Variants in TSPEAR observed in about 807,000 individuals in gnomAD.
The protein encoded by TSPEAR is thrombospondin-type laminin G domain and EAR repeat-containing protein.
A neutral mutation model predicts 71.6 loss-of-function variants in TSPEAR; 69 were observed. The observed-to-expected ratio is 0.96, with a 90% CI of 0.79 to 1.18. The LOEUF (loss-of-function observed/expected upper bound fraction) is 1.18. Ranked by LOEUF, TSPEAR falls within the 50% of genes most tolerant of loss-of-function variation. TSPEAR has a pLI of 0.00. For missense variants in TSPEAR, 971 were observed against 894.9 expected (o/e 1.09, Z -1.09); for synonymous variants, 402 against 387.2 (o/e 1.04, Z -0.45).
intron 1 of TSPEAR, chr21:44,676,615 A>C: frequency 1.3e-6 from 1 of 752,108 alleles, no homozygotes; most frequent in Admixed American, 1.8e-5. Context: ...GTTCTGCTCA[A>C]ATTCATACTT....
At chr21:44,707,910 C>T (rs1332571191) in intron 1 of TSPEAR, among the ~76,000 whole-genome samples, 1 of 152,060 alleles carries the variant, frequency 6.6e-6, no homozygotes, top group Non-Finnish European at 1.5e-5. Flanking sequence ...CCCTCAGCCT[C>T]GGTCCCCCAC....
In TSPEAR at chr21:44,499,227, T is replaced by TG. The variant is rs1376136263; in HGVS notation, c.*555dup. ...GCTGGGAGGGAAGCCTCTCTCTGTA[T>TG]GGGGAGGTGGTCCTCTGTCCGTGTC... is the stretch of plus-strand genomic sequence containing the variant. On this transcript the variant is annotated 3_prime_UTR_variant, in exon 12 of 12. Transcript: ENST00000323084. 2 of 152,342 alleles carry TG rather than the reference T, an allele frequency of 1.3e-5. No homozygotes were observed. The highest frequency in any genetic ancestry group is 2.4e-5 in the African/African-American group (1 of 41,430). The allele number at this position is 152,342 out of a possible 1,614,324, so 9.4% of individuals were successfully genotyped here. A position where few individuals can be genotyped will look rare whatever the true frequency, so the allele number is the denominator to read the frequency against.
rs368324000 is a variant in TSPEAR at position 44,509,193 on chromosome 21, G to T, written c.1754+6C>A. Reference sequence around the variant, plus strand: ...CCACCTCCCACTGGCCTGTGGAGGCGCATACCTGCAGGTGAGAATGTCCTG... The same window carrying T: ...CCACCTCCCACTGGCCTGTGGAGGCTCATACCTGCAGGTGAGAATGTCCTG... On this transcript the variant is annotated splice_donor_region_variant and intron_variant, in intron 10 of 11. Coordinates refer to ENST00000323084, the MANE Select transcript of TSPEAR (RefSeq NM_144991.3). 6.2e-7 allele frequency: 1 copy of T among 1,612,406 alleles called. No homozygotes were observed. Among genetic ancestry groups the T allele is most frequent in the Non-Finnish European group, 8.5e-7 (1 of 1,178,956 alleles).
intron 1 of TSPEAR, among the ~76,000 whole-genome samples, chr21:44,706,466 CACACACCCACGCGT>C (rs60943062): frequency 0.16 from 16,897 of 104,708 alleles, 1,105 homozygotes; most frequent in African/African-American, 0.23. Context: ...CACCCACGTG[CACACACCCACGCGT>C]ACACACCCAC....
chr21:44,587,536 A>T (rs1324866817), intron 1 of TSPEAR, among the ~76,000 whole-genome samples: 1 of 152,126 alleles, frequency 6.6e-6, no homozygotes, highest in African/African-American at 2.4e-5. Flanking sequence ...AAATTCTATA[A>T]TTCATATGGA....
In TSPEAR at chr21:44,539,434, T is replaced by C. The variant is rs113063562; in HGVS notation, c.304-5511A>G. ...CAGGCATACAGCAGGCGGGCCGGCATACAGGGCGGCAGAGGAGGGACACGG... is the reference window on the plus strand; with the variant it reads ...CAGGCATACAGCAGGCGGGCCGGCACACAGGGCGGCAGAGGAGGGACACGG... On this transcript the variant is annotated intron_variant, in intron 2 of 11. Transcript: ENST00000323084. 4,458 of 1,601,942 alleles carry C rather than the reference T, an allele frequency of 2.8e-3. 72 individuals carry two copies. In the African/African-American group the frequency reaches 0.039, roughly 14 times the overall value.
At chr21:44,513,118 G>A (rs1215835016) in intron 9 of TSPEAR, among the ~76,000 whole-genome samples, 1 of 152,230 alleles carries the variant, frequency 6.6e-6, no homozygotes, top group Non-Finnish European at 1.5e-5. Flanking sequence ...CTGGCTGGAG[G>A]CTGGCAGAAC....
intron 1 of TSPEAR, among the ~76,000 whole-genome samples, chr21:44,661,946 G>A (rs1985519658): frequency 6.6e-6 from 1 of 152,046 alleles, no homozygotes; most frequent in African/African-American, 2.4e-5. Flanking sequence ...AATTCAACAT[G>A]AGATTTGGGC....
intron 1 of TSPEAR, among the ~76,000 whole-genome samples, chr21:44,648,355 A>C (rs587754023): frequency 6.6e-6 from 1 of 152,346 alleles, no homozygotes; most frequent in African/African-American, 2.4e-5. Flanking sequence ...CCAGGGAAGA[A>C]GCAACAGAAC....
chr21:44,509,275 C>CA lies in TSPEAR; in HGVS notation c.1677dup (p.Val560CysfsTer134). ...AGCTCGTAGATGACGGAGTTGATGA[C>CA]ATAGGAATCATTCTGGACTTGCATC... On this transcript the variant is annotated frameshift_variant, in exon 10 of 12. Coordinates refer to ENST00000323084, the MANE Select transcript of TSPEAR (RefSeq NM_144991.3). LOFTEE classifies it high-confidence loss of function. The CA allele has an allele frequency of 6.2e-7, 1 of 1,614,084 alleles. No individual in the cohort carries two copies. The highest frequency in any genetic ancestry group is 8.5e-7 in the Non-Finnish European group (1 of 1,180,030).
At position 44,596,727 on chromosome 21, in the gene TSPEAR, ATTTGT is replaced by A. The variant is rs1360342957; in HGVS notation, c.83-28727_83-28723del. Among the ~76,000 whole-genome samples the A allele has an allele frequency of 1.4e-4, 21 of 152,164 alleles. No individual in the cohort carries two copies. The East Asian group carries it at 3.1e-3, about 22-fold the overall frequency. On this transcript the variant is annotated intron_variant, in intron 1 of 11. Transcript: ENST00000323084. ...AAAAATGATATCATATGGCCATTAA[ATTTGT>A]TTTATCTCATTTTAAATGGGGCTGA...
At chr21:44,531,249 C>T (rs1186926337) in intron 3 of TSPEAR, 116 bp from the exon 4 acceptor site, 1 of 773,456 alleles carries the variant, frequency 1.3e-6, no homozygotes, top group South Asian at 1.7e-5. Flanking sequence ...CTGTGGCTGC[C>T]ACACAAAGGA....
intron 6 of TSPEAR, 89 bp from the exon 7 acceptor site, chr21:44,527,607 A>T: frequency 7.6e-7 from 1 of 1,322,552 alleles, no homozygotes; most frequent in African/African-American, 1.5e-5. Flanking sequence ...CCAAGCCCCA[A>T]GTCACAAGCC....
At chr21:44,625,647 G>A (rs587647534) in intron 1 of TSPEAR, among the ~76,000 whole-genome samples, 11 of 152,190 alleles carry the variant, frequency 7.2e-5, no homozygotes, top group South Asian at 2.1e-4. Context: ...CGCGGGGAGC[G>A]GCATGGCCTC....
intron 1 of TSPEAR, chr21:44,697,582 T>C (rs1555950895): frequency 1.2e-6 from 2 of 1,611,216 alleles, no homozygotes; most frequent in African/African-American, 2.7e-5. Flanking sequence ...GCTGTGGGCC[T>C]TCTTCTTCAT....
In TSPEAR at chr21:44,528,561, C is replaced by T. The variant is rs1555915262; in HGVS notation, c.813G>A (p.Leu271=). Residue 271 remains leucine (L), a synonymous_variant, in exon 6 of 12, where the codon CTG becomes CTA. Coordinates refer to ENST00000323084, the MANE Select transcript of TSPEAR (RefSeq NM_144991.3). ...YPYETNIRVT[L]GPQPPCTEVE... ...CCTCGGTACACGGTGGCTGGGGTCC[C>T]AGCGTCACTCGAATGTTGGTTTCTG... The T allele has an allele frequency of 6.2e-7, 1 of 1,614,084 alleles. No homozygotes were observed. Among genetic ancestry groups the T allele is most frequent in the South Asian group, 1.1e-5 (1 of 91,072 alleles).
At chr21:44,627,255 GC>G in intron 1 of TSPEAR, 10 of 1,612,712 alleles carry the variant, frequency 6.2e-6, no homozygotes, top group Admixed American at 1.7e-5. Flanking sequence ...GCTGCTGTGA[GC>G]CCCCCTGCTG....
chr21:44,629,308 T>C (rs2020088), intron 1 of TSPEAR, among the ~76,000 whole-genome samples: 100,952 of 152,038 alleles, frequency 0.66, 33,641 homozygotes, highest in Admixed American at 0.7. Flanking sequence ...TCGAGCCACA[T>C]ACATGGGGTC....
At chr21:44,588,525 G>C (rs1979489688) in intron 1 of TSPEAR, among the ~76,000 whole-genome samples, 1 of 151,868 alleles carries the variant, frequency 6.6e-6, no homozygotes, top group African/African-American at 2.4e-5. Flanking sequence ...TCCACTACTG[G>C]GTATCTACCC....
Sources: gnomAD v4.1 joint callset for allele counts (sites outside exome capture counted in the v4.1 genomes callset) on GRCh38, gnomAD v4.1.1 for gene constraint, MANE v1.5 for transcripts, NCBI Gene and HGNC (gene_info 2026-07-23, HGNC 2026-07-21) for gene names.